The following TMEM145 variants were observed in gnomAD, a reference collection of about 807,000 sequenced individuals.
The protein encoded by TMEM145 is transmembrane protein 145.
TMEM145 carries 46 observed loss-of-function variants against 68.5 expected under a neutral mutation model. The ratio of observed to expected loss-of-function variants is 0.67; its 90% CI spans 0.53 to 0.86. The LOEUF is 0.86. TMEM145 is among the 40% of genes least tolerant of loss of function. The pLI is 0.00. For synonymous variants in TMEM145, 255 were observed against 280.2 expected, an observed-to-expected ratio of 0.91 and a Z score of 0.90; for missense variants, 570 against 645.8, an observed-to-expected ratio of 0.88 and a Z score of 1.27.
chr19:42,316,056 C>T (rs1037083299), intron 8 of TMEM145, among the ~76,000 whole-genome samples: 4 of 151,360 alleles, frequency 2.6e-5, no homozygotes, highest in Middle Eastern at 3.2e-3. Flanking sequence ...CAAAACAAAA[C>T]AATAAAGGCC....
At chr19:42,322,481 A>G (rs184968849) in intron 13 of TMEM145, among the ~76,000 whole-genome samples, 25 of 152,168 alleles carry the variant, frequency 1.6e-4, no homozygotes, top group Non-Finnish European at 2.5e-4. Context: ...CTTCCTTCCT[A>G]AGGATGCTCA....
At chr19:42,318,787 A>G (rs565351210) in intron 12 of TMEM145, among the ~76,000 whole-genome samples, 1 of 151,298 alleles carries the variant, frequency 6.6e-6, no homozygotes, top group Non-Finnish European at 1.5e-5. Context: ...ATGTTCAGTA[A>G]AAAACTATTG....
Position 42,313,469 on chromosome 19 carries a change from C to T in TMEM145, c.93C>T (p.Tyr31=). The stretch of plus-strand genomic sequence containing the variant: ...TGCCCCCCCGCGCCCGGGCCAAGTA[C>T]GTGCGGGGCAACCTCAGTTCCAAGG... ...LSLPPRARAK[Y]VRGNLSSKED... The change falls in exon 1 of 15, where the codon TAC becomes TAT. Residue 31 remains tyrosine (Y), a synonymous_variant. Coordinates refer to ENST00000301204, the MANE Select transcript of TMEM145 (RefSeq NM_173633.3). This position sits in a 1 kb window ranked among gnomAD's most constrained non-coding sequence, Gnocchi z 5.1. 1.5e-6 allele frequency: 2 copies of T among 1,350,842 alleles called. No individual in the cohort carries two copies. Among genetic ancestry groups the T allele is most frequent in the Non-Finnish European group, 1.9e-6 (2 of 1,048,408 alleles). 83.7% of individuals were successfully genotyped at this position (1,350,842 alleles called of 1,614,324 possible).
chr19:42,323,785 C>T lies in TMEM145; in HGVS notation c.1397C>T (p.Thr466Ile), dbSNP rs1377782523. 3.7e-6 allele frequency: 6 copies of T among 1,613,558 alleles called. No homozygotes were observed. Among genetic ancestry groups the T allele is most frequent in the Non-Finnish European group, 5.1e-6 (6 of 1,179,768 alleles). The part of the protein sequence containing the change: ...TELFSIPPPA[T>I]SPLPRAAPDS... Reference sequence around the variant, plus strand: ...CTCTTCTCCATCCCCCCGCCCGCCACCTCCGTAAGCCCCGCGGCCCCAGCG... The same window carrying T: ...CTCTTCTCCATCCCCCCGCCCGCCATCTCCGTAAGCCCCGCGGCCCCAGCG... Residue 466 changes from threonine (T) to isoleucine (I), a missense_variant, in exon 14 of 15, where the codon ACC becomes ATC. Coordinates refer to ENST00000301204, the MANE Select transcript of TMEM145 (RefSeq NM_173633.3).
At chr19:42,324,401 G>T (rs2038948394) in intron 14 of TMEM145, 2 of 985,210 alleles carry the variant, frequency 2.0e-6, no homozygotes, top group African/African-American at 1.7e-5. Context: ...CAAGGCGGCC[G>T]ACTCGGGCTG....
At position 42,315,153 on chromosome 19, in the gene TMEM145, C is replaced by A. The variant is rs759676029; in HGVS notation, c.506-35C>A. ...GGGTGCCCACTGAGGGGACATCCAC[C>A]TGAATGAACCTTACTCCTCCTACCA... On this transcript the variant is annotated intron_variant, in intron 6 of 14. Coordinates refer to ENST00000301204, the MANE Select transcript of TMEM145 (RefSeq NM_173633.3). 4.3e-6 allele frequency: 7 copies of A among 1,613,956 alleles called. No homozygotes were observed. In the South Asian group the frequency reaches 7.7e-5, roughly 18 times the overall value.
At chr19:42,323,324 G>C (rs1195712090) in intron 13 of TMEM145, among the ~76,000 whole-genome samples, 1 of 152,210 alleles carries the variant, frequency 6.6e-6, no homozygotes, top group African/African-American at 2.4e-5. Context: ...ATACAGTGCA[G>C]GACGCTGACC....
chr19:42,316,356 G>T, intron 8 of TMEM145, 125 bp from the exon 9 acceptor site: 2 of 879,756 alleles, frequency 2.3e-6, no homozygotes, highest in East Asian at 2.5e-5. Context: ...CAGGTGAGTC[G>T]GGGTAGAAGG....
intron 14 of TMEM145, chr19:42,324,452 A>G (rs2038949047): frequency 1.0e-6 from 1 of 985,184 alleles, no homozygotes. Flanking sequence ...CGTGCCCCAG[A>G]CGGCAGCGCC....
Position 42,313,448 on chromosome 19 carries a change from C to T in TMEM145, c.72C>T (p.Pro24=). The change falls in exon 1 of 15, where the codon CCC becomes CCT. Residue 24 remains proline (P), a synonymous_variant. Transcript: ENST00000301204. The surrounding 1 kb of genome is among the most constrained non-coding windows in gnomAD (Gnocchi z 5.1). Reference sequence around the variant, plus strand: ...TGCTGCTCCTGCTGCTGTCACTGCCCCCCCGCGCCCGGGCCAAGTACGTGC... The same window carrying T: ...TGCTGCTCCTGCTGCTGTCACTGCCTCCCCGCGCCCGGGCCAAGTACGTGC... ...PPLLLLLLSL[P]PRARAKYVRG... 7.3e-7 allele frequency: 1 copy of T among 1,373,068 alleles called. No individual in the cohort carries two copies. Among genetic ancestry groups the T allele is most frequent in the Non-Finnish European group, 9.4e-7 (1 of 1,059,588 alleles). The allele number at this position is 1,373,068 out of a possible 1,614,324, so 85.1% of individuals were successfully genotyped here.
chr19:42,315,975 A>G (rs2038852506), intron 8 of TMEM145, among the ~76,000 whole-genome samples: 2 of 152,136 alleles, frequency 1.3e-5, no homozygotes, highest in Non-Finnish European at 2.9e-5. Flanking sequence ...GATTGCAGTG[A>G]GCCGAGATCA....
intron 11 of TMEM145, 44 bp from the exon 12 acceptor site, chr19:42,317,665 G>A: frequency 6.2e-7 from 1 of 1,608,802 alleles, no homozygotes; most frequent in South Asian, 1.1e-5. Flanking sequence ...CCCTAATAGA[G>A]GGGAGGAGGC....
rs376920023 is a variant in TMEM145 at position 42,314,980 on chromosome 19, C to T, written c.421-13C>T. 1 of 1,613,984 alleles carries T rather than the reference C, an allele frequency of 6.2e-7. No homozygotes were observed. The highest frequency in any genetic ancestry group is 1.3e-5 in the African/African-American group (1 of 74,914). On this transcript the variant is annotated splice_polypyrimidine_tract_variant and intron_variant, in intron 5 of 14. Transcript: ENST00000301204. ...TGCCCAGGGCCCCCCTTAGGCCTCC[C>T]TACCCCCCACAGGGTGATGGATTGC...
At position 42,323,781 on chromosome 19, in the gene TMEM145, G is replaced by A. The variant is rs975167884; in HGVS notation, c.1393G>A (p.Ala465Thr). 4 of 1,612,842 alleles carry A rather than the reference G, an allele frequency of 2.5e-6. No individual in the cohort carries two copies. In the African/African-American group the frequency reaches 4.0e-5, roughly 16 times the overall value. Residue 465 changes from alanine (A) to threonine (T), a missense_variant, in exon 14 of 15, where the codon GCC (alanine) becomes ACC (threonine). Coordinates refer to ENST00000301204, the MANE Select transcript of TMEM145 (RefSeq NM_173633.3). ...GGAGCTCTTCTCCATCCCCCCGCCC[G>A]CCACCTCCGTAAGCCCCGCGGCCCC... The part of the protein sequence containing the change: ...FTELFSIPPP[A>T]TSPLPRAAPD...
intron 11 of TMEM145, 139 bp from the exon 12 acceptor site, chr19:42,317,570 T>C (rs576309293): frequency 1.4e-6 from 1 of 712,834 alleles, no homozygotes; most frequent in African/African-American, 1.8e-5. Flanking sequence ...CTCAATATGC[T>C]TCTGTCTCCG....
rs1490194829 is a variant in TMEM145, at chr19:42,315,028, C to T, written c.456C>T (p.Leu152=). ...TGCAGCTGGAGTATGAGATGGTCCTCACCAATGGCAAGTCCTTCTGGACAC... is the reference window on the plus strand; with the variant it reads ...TGCAGCTGGAGTATGAGATGGTCCTTACCAATGGCAAGTCCTTCTGGACAC... ...DGLQLEYEMV[L]TNGKSFWTRH... Residue 152 remains leucine, a synonymous_variant, in exon 6 of 15, where the codon CTC becomes CTT. Coordinates refer to ENST00000301204, the MANE Select transcript of TMEM145 (RefSeq NM_173633.3). 1.2e-6 allele frequency: 2 copies of T among 1,614,132 alleles called. No homozygotes were observed. Among genetic ancestry groups the T allele is most frequent in the East Asian group, 4.5e-5 (2 of 44,868 alleles).
At position 42,315,204 on chromosome 19, in the gene TMEM145, T is replaced by A. The variant is rs1361531043; in HGVS notation, c.522T>A (p.Asp174Glu). 1 of 1,609,238 alleles carries A rather than the reference T, an allele frequency of 6.2e-7. No individual in the cohort carries two copies. The highest frequency in any genetic ancestry group is 1.3e-5 in the African/African-American group (1 of 74,914). The change falls in exon 7 of 15, where the codon GAT (aspartate) becomes GAA (glutamate). Residue 174 changes from aspartate to glutamate, a missense_variant. By Grantham distance (45) the Asp-to-Glu change is conservative. Coordinates refer to ENST00000301204, the MANE Select transcript of TMEM145 (RefSeq NM_173633.3). ...SADEFGILET[D>E]VTFLLIFILI... ...AATCGGCAGGGATCCTGGAGACAGA[T>A]GTGACCTTCCTCCTCATCTTCATCC...
Position 42,314,492 on chromosome 19 carries a change from A to T in TMEM145, c.237A>T (p.Pro79=). The change falls in exon 3 of 15, where the codon CCA becomes CCT. Residue 79 remains proline (P), a synonymous_variant. Transcript: ENST00000301204. Reference sequence around the variant, plus strand: ...ACATCCTCCTCTATTTTGATGACCCATCCCAGTGGCCAGCCGTGTACAAGG... The same window carrying T: ...ACATCCTCCTCTATTTTGATGACCCTTCCCAGTGGCCAGCCGTGTACAAGG... ...CQNILLYFDD[P]SQWPAVYKAG... 6.2e-7 allele frequency: 1 copy of T among 1,614,080 alleles called. No homozygotes were observed. Among genetic ancestry groups the T allele is most frequent in the Non-Finnish European group, 8.5e-7 (1 of 1,180,012 alleles).
intron 13 of TMEM145, among the ~76,000 whole-genome samples, chr19:42,323,367 C>A (rs527833648): frequency 1.3e-5 from 2 of 152,304 alleles, no homozygotes; most frequent in East Asian, 3.9e-4. Context: ...GTGATCAGGC[C>A]TCTGATGGAG....
Sources: allele counts gnomAD v4.1 joint callset (sites outside exome capture counted in the v4.1 genomes callset), GRCh38; gene constraint gnomAD v4.1.1; non-coding constraint Gnocchi (gnomAD v3.1); transcripts MANE v1.5; gene names NCBI Gene and HGNC (gene_info 2026-07-23, HGNC 2026-07-21).